MACROD2: variants seen among roughly 807,000 people sequenced by gnomAD.
MACROD2 encodes ADP-ribose glycohydrolase MACROD2.
A neutral mutation model predicts 70.4 loss-of-function variants in MACROD2; 36 were observed. That is an observed-to-expected ratio of 0.51 (90% CI 0.39 to 0.68). MACROD2 has a LOEUF of 0.68. Ranked by LOEUF, MACROD2 falls within the 30% of genes least tolerant of loss-of-function variation. The probability of loss-of-function intolerance (pLI) is 0.00; values close to 1 mark genes in which losing one functional copy is unlikely to be tolerated. For missense variants in MACROD2, 496 were observed against 538.4 expected (o/e 0.92, Z 0.78); for synonymous variants, 172 against 178.8 (o/e 0.96, Z 0.30).
intron 6 of MACROD2, among the ~76,000 whole-genome samples, chr20:15,394,548 C>T (rs2045836399): frequency 6.6e-6 from 1 of 152,186 alleles, no homozygotes; most frequent in Non-Finnish European, 1.5e-5. Flanking sequence ...AAGCAGATGA[C>T]AGGGCCAAAT....
chr20:15,682,096 G>A (rs2050168079), intron 8 of MACROD2, among the ~76,000 whole-genome samples: 2 of 152,124 alleles, frequency 1.3e-5, no homozygotes, highest in South Asian at 4.1e-4. Flanking sequence ...ATAACATGTA[G>A]CCACCTATGG....
chr20:15,497,678 C>T (rs1475604328), intron 7 of MACROD2, among the ~76,000 whole-genome samples: 3 of 152,154 alleles, frequency 2.0e-5, no homozygotes, highest in Admixed American at 1.3e-4. Context: ...ATTGATTCCT[C>T]GGGACTCACA....
At chr20:14,215,106 CTATTCCATCATATATA>C (rs1396097605) in intron 3 of MACROD2, among the ~76,000 whole-genome samples, 5 of 5,150 alleles carry the variant, frequency 9.7e-4, no homozygotes, top group Admixed American at 4.3e-3. Flanking sequence ...TCATATATAT[CTATTCCATCATATATA>C]TATTCCATCA....
chr20:15,877,901 C>T (rs947057757), intron 9 of MACROD2, among the ~76,000 whole-genome samples: 1 of 152,064 alleles, frequency 6.6e-6, no homozygotes. Flanking sequence ...CCCATATGTA[C>T]GGATGTTCCT....
intron 3 of MACROD2, among the ~76,000 whole-genome samples, chr20:14,130,551 A>C (rs777182955): frequency 3.3e-5 from 5 of 152,190 alleles, no homozygotes; most frequent in Admixed American, 1.3e-4. Context: ...CTCAAAAAAA[A>C]AGAAAGAAAG....
chr20:14,089,978 C>G (rs1371827742), intron 3 of MACROD2, among the ~76,000 whole-genome samples: 3 of 152,100 alleles, frequency 2.0e-5, no homozygotes, highest in Non-Finnish European at 4.4e-5. Context: ...GATCCTGTCA[C>G]CTAGGTAATG....
At chr20:15,914,824 AG>A (rs2065289059) in intron 10 of MACROD2, among the ~76,000 whole-genome samples, 1 of 152,156 alleles carries the variant, frequency 6.6e-6, no homozygotes, top group African/African-American at 2.4e-5. Context: ...CTGACAGACA[AG>A]CTACAAAGTC....
intron 8 of MACROD2, among the ~76,000 whole-genome samples, chr20:15,848,933 C>T (rs1457312282): frequency 6.6e-6 from 1 of 152,096 alleles, no homozygotes; most frequent in Non-Finnish European, 1.5e-5. Flanking sequence ...AGGGATCTAC[C>T]GTCTAGCTGA....
Position 15,390,864 on chromosome 20 carries a change from T to C in MACROD2, c.541-40541T>C, listed in dbSNP as rs142105276. On this transcript the variant is annotated intron_variant, in intron 6 of 17. Transcript: ENST00000684519. ...TTTTTGCAAAGCAGATTTATTTAAG[T>C]CAGAGAACTTACAAAATTGAAGCTC... Among the ~76,000 whole-genome samples, 4 of 152,344 alleles carry C rather than the reference T, an allele frequency of 2.6e-5. No homozygotes were observed. In the East Asian group the frequency reaches 5.8e-4, roughly 22 times the overall value.
intron 5 of MACROD2, among the ~76,000 whole-genome samples, chr20:14,879,956 G>A (rs1281332774): frequency 6.6e-6 from 1 of 152,138 alleles, no homozygotes; most frequent in Non-Finnish European, 1.5e-5. Flanking sequence ...AATCTTAGTA[G>A]GAATTAAACT....
chr20:15,709,270 G>T (rs2050589174), intron 8 of MACROD2, among the ~76,000 whole-genome samples: 1 of 152,166 alleles, frequency 6.6e-6, no homozygotes, highest in Non-Finnish European at 1.5e-5. Context: ...GCTTTTCCAG[G>T]CTCCCGCTAT....
chr20:14,917,559 A>C (rs2074107662), intron 5 of MACROD2, among the ~76,000 whole-genome samples: 1 of 152,026 alleles, frequency 6.6e-6, no homozygotes, highest in African/African-American at 2.4e-5. Context: ...CTCACCGGGA[A>C]GCCTATGGAA....
intron 8 of MACROD2, among the ~76,000 whole-genome samples, chr20:15,693,196 C>T (rs6110742): frequency 0.21 from 32,325 of 151,954 alleles, 5,263 homozygotes; most frequent in African/African-American, 0.46. Context: ...AGCTTGAAAC[C>T]CTCTTCTCTT....
chr20:15,322,353 A>G (rs2077882683), intron 6 of MACROD2, among the ~76,000 whole-genome samples: 1 of 143,580 alleles, frequency 7.0e-6, no homozygotes. Flanking sequence ...TGCACTCACT[A>G]TGCTCCTCTG....
chr20:15,348,802 G>C (rs2146219231), intron 6 of MACROD2, among the ~76,000 whole-genome samples: 1 of 152,230 alleles, frequency 6.6e-6, no homozygotes. Context: ...CCACCAGGTA[G>C]GTAATTGAAT....
At chr20:14,623,078 C>T (rs910943542) in intron 4 of MACROD2, 1 of 151,996 alleles carries the variant, frequency 6.6e-6, no homozygotes, top group African/African-American at 2.4e-5. Context: ...TAGTACAAAG[C>T]CACAGCCCCT....
chr20:14,204,906 G>A (rs2081510629), intron 3 of MACROD2, among the ~76,000 whole-genome samples: 1 of 151,980 alleles, frequency 6.6e-6, no homozygotes, highest in Non-Finnish European at 1.5e-5. Context: ...GTCTCATAAG[G>A]CGTAGAAGTG....
intron 10 of MACROD2, among the ~76,000 whole-genome samples, chr20:15,899,147 G>A (rs1568626406): frequency 6.6e-6 from 1 of 151,692 alleles, no homozygotes; most frequent in African/African-American, 2.4e-5. Context: ...ATATATGGGT[G>A]TATATATATC....
At chr20:14,840,131 A>G (rs902860483) in intron 5 of MACROD2, among the ~76,000 whole-genome samples, 2 of 150,116 alleles carry the variant, frequency 1.3e-5, no homozygotes, top group African/African-American at 4.9e-5. Context: ...TCTGCCTCCC[A>G]GGTTCAAGCA....
Sources: allele counts gnomAD v4.1 joint callset (sites outside exome capture counted in the v4.1 genomes callset), GRCh38; gene constraint gnomAD v4.1.1; transcripts MANE v1.5; gene names NCBI Gene and HGNC (gene_info 2026-07-23, HGNC 2026-07-21).